TNNI3K: variants seen among roughly 807,000 people sequenced by gnomAD.
TNNI3K encodes serine/threonine-protein kinase TNNI3K.
A neutral mutation model predicts 114.5 loss-of-function variants in TNNI3K; 140 were observed. The ratio of observed to expected loss-of-function variants is 1.22; its 90% CI spans 1.07 to 1.41. The LOEUF is 1.41. Ranked by LOEUF, TNNI3K falls within the 40% of genes most tolerant of loss-of-function variation. TNNI3K has a pLI of 0.00. For missense variants in TNNI3K, 1,125 were observed against 1,007.6 expected (o/e 1.12, Z -1.58); for synonymous variants, 347 against 347.5 (o/e 1.00, Z 0.02).
intron 23 of TNNI3K, among the ~76,000 whole-genome samples, chr1:74,524,355 C>G (rs1344443801): frequency 6.6e-6 from 1 of 152,206 alleles, no homozygotes; most frequent in East Asian, 1.9e-4. Context: ...CATTAGATAG[C>G]AAAGTGCAAG....
In TNNI3K at chr1:74,395,687, G is replaced by A. The variant is rs182778486; in HGVS notation, c.1772+25295G>A. Among the ~76,000 whole-genome samples, 18 of 152,322 alleles carry A rather than the reference G, an allele frequency of 1.2e-4. No homozygotes were observed. In the East Asian group the frequency reaches 3.3e-3, roughly 28 times the overall value. On this transcript the variant is annotated intron_variant, in intron 17 of 24. Coordinates refer to ENST00000326637, the MANE Select transcript of TNNI3K (RefSeq NM_015978.3). ...CCCACAAGGGAAACAGCTGGAGACA[G>A]ATGAAGTGATTCTCAGGGCATGCAG...
At chr1:74,428,548 G>T (rs977338937) in intron 17 of TNNI3K, among the ~76,000 whole-genome samples, 8 of 152,044 alleles carry the variant, frequency 5.3e-5, no homozygotes, top group Non-Finnish European at 1.5e-5. Flanking sequence ...GACTTCCATA[G>T]GCTTCATTTA....
At chr1:74,402,622 T>C (rs967570336) in intron 17 of TNNI3K, among the ~76,000 whole-genome samples, 19 of 152,254 alleles carry the variant, frequency 1.2e-4, no homozygotes, top group Non-Finnish European at 2.2e-4. Flanking sequence ...GTTAAACTTT[T>C]TTGGTAGAGT....
intron 17 of TNNI3K, among the ~76,000 whole-genome samples, chr1:74,416,724 G>A (rs933945643): frequency 4.0e-5 from 6 of 151,730 alleles, no homozygotes; most frequent in South Asian, 2.1e-4. Flanking sequence ...TTGCCCGTAC[G>A]ATTTAATTTT....
chr1:74,451,688 TTTCTTTCTTTCTTTCTTTC>T (rs1359931770), intron 20 of TNNI3K, among the ~76,000 whole-genome samples: 16 of 34,352 alleles, frequency 4.7e-4, no homozygotes, highest in East Asian at 4.1e-3. Context: ...TTTTCTTTTC[TTTCTTTCTTTCTTTCTTTC>T]TTTCTTTCTT....
At chr1:74,312,340 C>A (rs1465321484) in intron 5 of TNNI3K, among the ~76,000 whole-genome samples, 4 of 152,208 alleles carry the variant, frequency 2.6e-5, no homozygotes, top group African/African-American at 9.6e-5. Context: ...ACATGTTCAA[C>A]AGTCTTTGAC....
chr1:74,353,358 C>G lies in TNNI3K; in HGVS notation c.1025C>G (p.Thr342Ser). 6.2e-7 allele frequency: 1 copy of G among 1,613,156 alleles called. No homozygotes were observed. Among genetic ancestry groups the G allele is most frequent in the Non-Finnish European group, 8.5e-7 (1 of 1,179,724 alleles). ...AACCACCAAGGAAGGGATGGGCACA[C>G]TGGTAAGACTGTGGTGAAAACACCA... ...NINHQGRDGH[T>S]GLHSACYHGH... The change falls in exon 10 of 25, where the codon ACT (threonine) becomes AGT (serine). Residue 342 changes from threonine to serine, a missense_variant and splice_region_variant. Thr to Ser is a moderately conservative substitution (Grantham distance 58). Coordinates refer to ENST00000326637, the MANE Select transcript of TNNI3K (RefSeq NM_015978.3).
chr1:74,416,194 C>A, intron 17 of TNNI3K: 1 of 643,192 alleles, frequency 1.6e-6, no homozygotes, highest in Non-Finnish European at 1.9e-6. Flanking sequence ...TGGCATGAAG[C>A]ATAGCATAGC....
intron 9 of TNNI3K, 103 bp from the exon 10 acceptor site, chr1:74,353,163 T>C (rs1661466119): frequency 8.4e-7 from 1 of 1,187,080 alleles, no homozygotes; most frequent in Non-Finnish European, 1.2e-6. Flanking sequence ...GTTATGGGGG[T>C]TATAACTTCA....
chr1:74,333,253 G>A (rs1003277941), intron 6 of TNNI3K, among the ~76,000 whole-genome samples: 8 of 152,148 alleles, frequency 5.3e-5, no homozygotes, highest in South Asian at 2.1e-4. Flanking sequence ...CCTGTGAAGC[G>A]TGACCTATAG....
intron 17 of TNNI3K, among the ~76,000 whole-genome samples, chr1:74,391,963 T>TTTTGTTTGTTTTTTG (rs1663802120): frequency 8.6e-6 from 1 of 116,514 alleles, no homozygotes; most frequent in African/African-American, 3.8e-5. Flanking sequence ...TATTATTTTT[T>TTTTGTTTGTTTTTTG]TTTTTTTTTT....
intron 5 of TNNI3K, among the ~76,000 whole-genome samples, chr1:74,323,149 G>T (rs1049708437): frequency 3.9e-5 from 6 of 151,924 alleles, no homozygotes; most frequent in Admixed American, 3.3e-4. Context: ...AAATATGCTG[G>T]TAATATGACT....
At chr1:74,465,049 A>G in intron 21 of TNNI3K, 1 of 1,025,240 alleles carries the variant, frequency 9.8e-7, no homozygotes, top group Non-Finnish European at 1.2e-6. Flanking sequence ...TGAACCTCAG[A>G]AAAAGTATGT....
chr1:74,481,999 G>C (rs998690289), intron 21 of TNNI3K, among the ~76,000 whole-genome samples: 9 of 152,158 alleles, frequency 5.9e-5, no homozygotes, highest in African/African-American at 2.2e-4. Flanking sequence ...TCTTTTGGAA[G>C]AACTGTTCTC....
chr1:74,336,286 T>C (rs1660459343), intron 7 of TNNI3K, 137 bp downstream of exon 7: 3 of 1,132,942 alleles, frequency 2.6e-6, no homozygotes, highest in South Asian at 2.0e-5. Flanking sequence ...CAAGTCATAA[T>C]TCATCTTTAA....
chr1:74,348,005 G>T (rs1348440140), intron 9 of TNNI3K, among the ~76,000 whole-genome samples: 1 of 152,192 alleles, frequency 6.6e-6, no homozygotes, highest in African/African-American at 2.4e-5. Context: ...AGTTTAATTA[G>T]ATCCCATTTG....
intron 5 of TNNI3K, among the ~76,000 whole-genome samples, chr1:74,314,797 T>C (rs928375128): frequency 1.3e-5 from 2 of 152,176 alleles, no homozygotes; most frequent in Admixed American, 6.5e-5. Flanking sequence ...AGAAACATGT[T>C]TGTAGTTAGA....
At chr1:74,426,906 C>CAGGGAAAAAAGAGTAAGTAATAT (rs1405061059) in intron 17 of TNNI3K, among the ~76,000 whole-genome samples, 10 of 151,846 alleles carry the variant, frequency 6.6e-5, no homozygotes, top group African/African-American at 2.4e-4. Flanking sequence ...ATCCTCAGTT[C>CAGGGAAAAAAGAGTAAGTAATAT]AGGGAAAAAA....
At chr1:74,362,808 T>C (rs902349561) in intron 11 of TNNI3K, among the ~76,000 whole-genome samples, 7 of 151,838 alleles carry the variant, frequency 4.6e-5, no homozygotes, top group Non-Finnish European at 1.0e-4. Flanking sequence ...ATAGACAAAT[T>C]AAAGGGAAAG....
Sources: allele counts gnomAD v4.1 joint callset (sites outside exome capture counted in the v4.1 genomes callset), GRCh38; gene constraint gnomAD v4.1.1; transcripts MANE v1.5; gene names NCBI Gene and HGNC (gene_info 2026-07-23, HGNC 2026-07-21).